CDH4: variants seen among roughly 807,000 people sequenced by gnomAD.
CDH4 encodes cadherin 4, also known as cadherin-4.
A neutral mutation model predicts 86.0 loss-of-function variants in CDH4; 33 were observed. That is an observed-to-expected ratio of 0.38 (90% CI 0.29 to 0.51). The LOEUF (loss-of-function observed/expected upper bound fraction) is 0.51. CDH4 is among the 20% of genes least tolerant of loss of function. The pLI is 0.86. For synonymous variants in CDH4, 555 were observed against 549.4 expected, an observed-to-expected ratio of 1.01 and a Z score of -0.14; for missense variants, 1,114 against 1,307.4, an observed-to-expected ratio of 0.85 and a Z score of 2.28.
chr20:61,417,408 T>C lies in CDH4; in HGVS notation c.169+162471T>C, dbSNP rs1351116891. Among the ~76,000 whole-genome samples, 4 of 151,970 alleles carry C rather than the reference T, an allele frequency of 2.6e-5. No individual in the cohort carries two copies. The highest frequency in any genetic ancestry group is 9.7e-5 in the African/African-American group (4 of 41,380). ...ACCTGCTGAGGTCACCTATTCCACC[T>C]TGAGCCAGCTGTGGGGTGTGGGGCC... On this transcript the variant is annotated intron_variant, in intron 2 of 15. Transcript: ENST00000614565. The surrounding 1 kb of genome is among the most constrained non-coding windows in gnomAD (Gnocchi z 4.0).
At chr20:61,668,995 G>T (rs2087357043) in intron 2 of CDH4, among the ~76,000 whole-genome samples, 2 of 152,194 alleles carry the variant, frequency 1.3e-5, no homozygotes, top group Middle Eastern at 3.2e-3. Flanking sequence ...GGTGTTCCAG[G>T]AGGACCCCTG....
chr20:61,921,489 C>T (rs946978926), intron 9 of CDH4, among the ~76,000 whole-genome samples: 5 of 152,262 alleles, frequency 3.3e-5, no homozygotes, highest in African/African-American at 4.8e-5. Flanking sequence ...CAGTGGCCCA[C>T]GCCTGTCATC....
At chr20:61,482,209 C>T (rs936365132) in intron 2 of CDH4, among the ~76,000 whole-genome samples, 1 of 152,142 alleles carries the variant, frequency 6.6e-6, no homozygotes, top group Non-Finnish European at 1.5e-5. Flanking sequence ...CCGGAAGAAG[C>T]CAGAAGTTAT....
At chr20:61,450,243 C>G (rs987963399) in intron 2 of CDH4, among the ~76,000 whole-genome samples, 2 of 152,192 alleles carry the variant, frequency 1.3e-5, no homozygotes, top group African/African-American at 4.8e-5. Context: ...AGGACAGGGC[C>G]TTGGTGGGAC....
chr20:61,687,429 C>T (rs553497236), intron 2 of CDH4, among the ~76,000 whole-genome samples: 2 of 152,270 alleles, frequency 1.3e-5, no homozygotes, highest in East Asian at 1.9e-4. Flanking sequence ...TGTGGATGGG[C>T]GCCCCCGGGG....
At chr20:61,457,509 G>C (rs1187290508) in intron 2 of CDH4, among the ~76,000 whole-genome samples, 3 of 152,236 alleles carry the variant, frequency 2.0e-5, no homozygotes, top group Admixed American at 2.0e-4. Context: ...TGGGGGACAG[G>C]TGACAGTGAT....
intron 9 of CDH4, among the ~76,000 whole-genome samples, chr20:61,923,165 C>G (rs529928263): frequency 2.0e-5 from 3 of 152,122 alleles, no homozygotes; most frequent in Admixed American, 6.5e-5. Flanking sequence ...GGGGCTGCAG[C>G]CCCCCCAGGA....
At chr20:61,760,396 G>T (rs1157930404) in intron 3 of CDH4, among the ~76,000 whole-genome samples, 2 of 152,276 alleles carry the variant, frequency 1.3e-5, no homozygotes, top group Non-Finnish European at 2.9e-5. Context: ...AGGGGTCCCA[G>T]GACTGCAGCG....
rs115169756 is a variant in CDH4, at chr20:61,274,734, G to A, written c.169+19797G>A. Among the ~76,000 whole-genome samples the A allele has an allele frequency of 3.4e-3, 503 of 147,476 alleles. 2 individuals are homozygous for A. Among genetic ancestry groups the A allele is most frequent in the African/African-American group, 0.012 (461 of 39,638 alleles). ...GGGGGAGTACTGTGTGCTGTTGTTT[G>A]GGGGAGTACTGTGTGCAGTTTGGGG... On this transcript the variant is annotated intron_variant, in intron 2 of 15. Coordinates refer to ENST00000614565, the MANE Select transcript of CDH4 (RefSeq NM_001794.5).
chr20:61,862,183 C>T (rs1407029623), intron 6 of CDH4, among the ~76,000 whole-genome samples: 1 of 152,200 alleles, frequency 6.6e-6, no homozygotes, highest in Non-Finnish European at 1.5e-5. Context: ...CCCTGGGCGA[C>T]TCCCTTGACA....
chr20:61,888,228 C>A (rs1248413819), intron 7 of CDH4, among the ~76,000 whole-genome samples: 2 of 152,214 alleles, frequency 1.3e-5, no homozygotes, highest in African/African-American at 4.8e-5. Context: ...ACTCCGCAGG[C>A]AGGATCCCGG....
Position 61,872,945 on chromosome 20 carries a change from G to A in CDH4, c.878-783G>A, listed in dbSNP as rs6061375. On this transcript the variant is annotated intron_variant, in intron 6 of 15. Coordinates refer to ENST00000614565, the MANE Select transcript of CDH4 (RefSeq NM_001794.5). ...GAGATGTCCTGAGGCCACAGGGTGGGGCGTGCTGATGCAGGCCCTCCCCAG... is the reference window on the plus strand; with the variant it reads ...GAGATGTCCTGAGGCCACAGGGTGGAGCGTGCTGATGCAGGCCCTCCCCAG... Among the ~76,000 whole-genome samples, 967 of 152,330 alleles carry A rather than the reference G, an allele frequency of 6.3e-3. 8 individuals are homozygous for A. Among genetic ancestry groups the A allele is most frequent in the African/African-American group, 0.022 (903 of 41,578 alleles).
chr20:61,533,560 G>A (rs2085972316), intron 2 of CDH4, among the ~76,000 whole-genome samples: 2 of 152,256 alleles, frequency 1.3e-5, no homozygotes, highest in Non-Finnish European at 2.9e-5. Context: ...GGCTGCTGGA[G>A]GTAGGAGCAC....
At chr20:61,450,786 C>T (rs1189700344) in intron 2 of CDH4, among the ~76,000 whole-genome samples, 1 of 150,926 alleles carries the variant, frequency 6.6e-6, no homozygotes, top group Non-Finnish European at 1.5e-5. Flanking sequence ...AGAGAGAACC[C>T]TGCTCTCCAA....
chr20:61,872,252 G>C (rs1983837252), intron 6 of CDH4, among the ~76,000 whole-genome samples: 1 of 152,216 alleles, frequency 6.6e-6, no homozygotes, highest in Non-Finnish European at 1.5e-5. Context: ...ATCCCACAGA[G>C]GACATAGACA....
chr20:61,329,935 G>A (rs1272778366), intron 2 of CDH4, among the ~76,000 whole-genome samples: 1 of 147,396 alleles, frequency 6.8e-6, no homozygotes, highest in Non-Finnish European at 1.5e-5. Flanking sequence ...AGTACATGCA[G>A]TGTTTGGTTT....
chr20:61,652,938 A>ATTTTTTTTTTTTTTTTAT (rs2087138876), intron 2 of CDH4, among the ~76,000 whole-genome samples: 1 of 97,402 alleles, frequency 1.0e-5, no homozygotes, highest in African/African-American at 3.4e-5. Flanking sequence ...TTATTTATTT[A>ATTTTTTTTTTTTTTTTAT]TTTTTTTTTT....
intron 2 of CDH4, among the ~76,000 whole-genome samples, chr20:61,304,598 T>C (rs1001463221): frequency 1.3e-5 from 2 of 152,102 alleles, no homozygotes; most frequent in African/African-American, 4.8e-5. Flanking sequence ...GGCTGTGCCA[T>C]AACAATATTA....
chr20:61,403,166 A>G (rs1466233787), intron 2 of CDH4, among the ~76,000 whole-genome samples: 1 of 152,176 alleles, frequency 6.6e-6, no homozygotes, highest in Non-Finnish European at 1.5e-5. Context: ...TTGGACCATG[A>G]GGGGATCTTG....
Sources: allele counts gnomAD v4.1 joint callset (sites outside exome capture counted in the v4.1 genomes callset), GRCh38; gene constraint gnomAD v4.1.1; non-coding constraint Gnocchi (gnomAD v3.1); transcripts MANE v1.5; gene names NCBI Gene and HGNC (gene_info 2026-07-23, HGNC 2026-07-21).